FRMPD4: variants seen among roughly 807,000 people sequenced by gnomAD.
FRMPD4 encodes FERM and PDZ domain containing 4, also known as FERM and PDZ domain-containing protein 4.
A neutral mutation model predicts 94.1 loss-of-function variants in FRMPD4; 22 were observed. That is an observed-to-expected ratio of 0.23 (90% CI 0.17 to 0.33). FRMPD4 has a LOEUF of 0.33. Among genes scored for constraint, FRMPD4 ranks in the 10% least tolerant of loss-of-function variants. The pLI is 1.00. For synonymous variants in FRMPD4, 631 were observed against 548.6 expected, an observed-to-expected ratio of 1.15 and a Z score of -2.10; for missense variants, 1,111 against 1,339.9, an observed-to-expected ratio of 0.83 and a Z score of 2.67.
intron 1 of FRMPD4, among the ~76,000 whole-genome samples, chrX:12,390,880 G>T (rs151302846): frequency 8.9e-6 from 1 of 111,900 alleles, no homozygotes; most frequent in African/African-American, 3.3e-5. Context: ...ATGTAATCAA[G>T]ACAGTGTTGA....
At chrX:12,286,182 C>A in intron 1 of FRMPD4, among the ~76,000 whole-genome samples, 1 of 112,028 alleles carries the variant, frequency 8.9e-6, no homozygotes, top group African/African-American at 3.2e-5. Flanking sequence ...CACACACACA[C>A]AAACATCTGT....
At chrX:11,996,505 C>A (rs749230672) in intron 3 of FRMPD4, among the ~76,000 whole-genome samples, 1 of 112,290 alleles carries the variant, frequency 8.9e-6, no homozygotes, top group East Asian at 2.8e-4. Context: ...TCTTTTAACT[C>A]CCACAATAGG....
intron 1 of FRMPD4, among the ~76,000 whole-genome samples, chrX:11,861,621 T>G: frequency 9.0e-6 from 1 of 111,522 alleles, no homozygotes; most frequent in African/African-American, 3.3e-5. Flanking sequence ...CAATCCTACC[T>G]GAGGTCTACT....
intron 1 of FRMPD4, among the ~76,000 whole-genome samples, chrX:12,272,860 G>A (rs1262328293): frequency 9.0e-6 from 1 of 111,451 alleles, no homozygotes; most frequent in Non-Finnish European, 1.9e-5. Context: ...CTTGAGGTAA[G>A]GAGTTTGAGA....
Position 12,434,344 on chromosome X carries a change from CCTT to C in FRMPD4, c.42-64330_42-64328del, listed in dbSNP as rs201743450. ...GTTTAATTCATGGGTTAAGCCTACG[CCTT>C]CTTCTCTCCACCTATAAAGATTTTT... On this transcript the variant is annotated intron_variant, in intron 1 of 16. Transcript: ENST00000675598. Among the ~76,000 whole-genome samples, 997 of 111,655 alleles carry C rather than the reference CCTT, an allele frequency of 8.9e-3. 12 individuals are homozygous for C. Among genetic ancestry groups the C allele is most frequent in the African/African-American group, 0.03 (921 of 30,710 alleles).
chrX:12,564,145 C>T (rs1312654416), intron 2 of FRMPD4, among the ~76,000 whole-genome samples: 1 of 111,577 alleles, frequency 9.0e-6, no homozygotes, highest in Non-Finnish European at 1.9e-5. Flanking sequence ...CTTATGTGGG[C>T]ACTAATCCTA....
chrX:12,531,179 G>C (rs896558377), intron 2 of FRMPD4, among the ~76,000 whole-genome samples: 1 of 112,270 alleles, frequency 8.9e-6, no homozygotes, highest in African/African-American at 3.2e-5. Flanking sequence ...TTTCTTTGGA[G>C]AACAAAACTA....
intron 1 of FRMPD4, among the ~76,000 whole-genome samples, chrX:11,854,317 C>A (rs1242447337): frequency 9.0e-6 from 1 of 111,506 alleles, no homozygotes; most frequent in Non-Finnish European, 1.9e-5. Flanking sequence ...CACAGCCAAA[C>A]CATAACATTC....
chrX:11,883,240 A>G (rs1053308057), intron 3 of FRMPD4, among the ~76,000 whole-genome samples: 9 of 111,717 alleles, frequency 8.1e-5, no homozygotes, highest in African/African-American at 2.9e-4. Context: ...TACAAATATA[A>G]ATTGGGGATC....
chrX:12,639,763 T>C (rs1486915810), intron 4 of FRMPD4, among the ~76,000 whole-genome samples: 3 of 111,846 alleles, frequency 2.7e-5, no homozygotes, highest in Non-Finnish European at 3.8e-5. Flanking sequence ...CAGAAAATAG[T>C]AGACTCACAG....
In FRMPD4 at chrX:11,849,869, C is replaced by T. The variant is rs781639351; in HGVS notation, c.-160-15217C>T. Reference sequence around the variant, plus strand: ...AAAAACTTCATGACTTTGGATTTGGCAATGATTTCTTGAATATGACACCAA... The same window carrying T: ...AAAAACTTCATGACTTTGGATTTGGTAATGATTTCTTGAATATGACACCAA... On this transcript the variant is annotated intron_variant, in intron 1 of 18. Transcript: ENST00000640291. Among the ~76,000 whole-genome samples, 3 of 110,946 alleles carry T rather than the reference C, an allele frequency of 2.7e-5. No homozygotes were observed. The East Asian group carries it at 8.4e-4, about 31-fold the overall frequency.
chrX:12,000,616 T>C lies in FRMPD4; in HGVS notation c.95+122598T>C, dbSNP rs990679293. On this transcript the variant is annotated intron_variant, in intron 3 of 18. Transcript: ENST00000640291. ...ACAGTAGCTGCCTTGGAATATAATTTCCTTGCCCAGAACATACTTCCCTCT... is the reference window on the plus strand; with the variant it reads ...ACAGTAGCTGCCTTGGAATATAATTCCCTTGCCCAGAACATACTTCCCTCT... Among the ~76,000 whole-genome samples the C allele has an allele frequency of 3.6e-5, 4 of 111,666 alleles. No homozygotes were observed. In the Admixed American group the frequency reaches 3.8e-4, roughly 11 times the overall value.
chrX:12,010,534 GTCTCTGTT>G (rs374974350), intron 3 of FRMPD4, among the ~76,000 whole-genome samples: 1 of 112,212 alleles, frequency 8.9e-6, no homozygotes, highest in African/African-American at 3.2e-5. Context: ...GGGCCAGATT[GTCTCTGTT>G]TCTACTACTA....
In FRMPD4 at chrX:12,368,866, G is replaced by A. The variant is rs374438489; in HGVS notation, c.42-129814G>A. ...TGTACTCCAGCCTGGGAAACAGAGC[G>A]AGACTCTGTCTCAACAAAAACAAAA... On this transcript the variant is annotated intron_variant, in intron 1 of 16. Transcript: ENST00000675598. Among the ~76,000 whole-genome samples the A allele has an allele frequency of 7.0e-4, 78 of 111,964 alleles. No individual in the cohort carries two copies. The South Asian group carries it at 0.01, about 14-fold the overall frequency.
chrX:12,097,399 G>A (rs1435490109), intron 3 of FRMPD4, among the ~76,000 whole-genome samples: 1 of 112,071 alleles, frequency 8.9e-6, no homozygotes, highest in Non-Finnish European at 1.9e-5. Context: ...ATTTTCAATA[G>A]CTTTAATGGG....
chrX:12,494,187 T>C (rs2057821900), intron 1 of FRMPD4, among the ~76,000 whole-genome samples: 1 of 112,104 alleles, frequency 8.9e-6, no homozygotes, highest in Admixed American at 9.5e-5. Flanking sequence ...CTTGTAACAG[T>C]CCTATGAGCT....
intron 1 of FRMPD4, among the ~76,000 whole-genome samples, chrX:12,480,764 G>A (rs12014874): frequency 1.3e-3 from 145 of 112,333 alleles, no homozygotes; most frequent in African/African-American, 4.4e-3. Flanking sequence ...TTGGACGATC[G>A]CGTTTCTATT....
chrX:12,110,098 C>G (rs4830757), intron 3 of FRMPD4, among the ~76,000 whole-genome samples: 23,513 of 111,122 alleles, frequency 0.21, 1,941 homozygotes, highest in South Asian at 0.42. Flanking sequence ...GATACCAAAG[C>G]CTGATACAGA....
chrX:11,994,267 C>A (rs972705446), intron 3 of FRMPD4, among the ~76,000 whole-genome samples: 4 of 111,115 alleles, frequency 3.6e-5, no homozygotes, highest in African/African-American at 1.3e-4. Context: ...AAAGCCCTGG[C>A]ACAGATATAG....
Sources: gnomAD v4.1 joint callset for allele counts (sites outside exome capture counted in the v4.1 genomes callset) on GRCh38, gnomAD v4.1.1 for gene constraint, MANE v1.5 for transcripts, NCBI Gene and HGNC (gene_info 2026-07-23, HGNC 2026-07-21) for gene names.